Variants in CCDC88A observed in about 807,000 individuals in gnomAD.
CCDC88A encodes coiled-coil and HOOK domain protein 88A.
In CCDC88A, 54 loss-of-function variants were observed where a neutral mutation model predicts 234.3. That is an observed-to-expected ratio of 0.23 (90% confidence interval 0.19 to 0.29). CCDC88A has a LOEUF of 0.29. CCDC88A is among the 10% of genes least tolerant of loss of function. CCDC88A has a pLI of 1.00. For missense variants in CCDC88A, 1,832 were observed against 2,123.4 expected (o/e 0.86, Z 2.70); for synonymous variants, 753 against 737.8 (o/e 1.02, Z -0.33).
In CCDC88A at chr2:55,372,441, T is replaced by C. The variant is rs755728041; in HGVS notation, c.402+11A>G. 4 of 1,381,282 alleles carry C rather than the reference T, an allele frequency of 2.9e-6. No individual in the cohort carries two copies. The Admixed American group carries it at 7.7e-5, about 27-fold the overall frequency. 85.6% of individuals were successfully genotyped at this position (1,381,282 alleles called of 1,614,324 possible). A position where few individuals can be genotyped will look rare whatever the true frequency, so the allele number is the denominator to read the frequency against. On this transcript the variant is annotated intron_variant, in intron 5 of 32. Transcript: ENST00000436346. ...GTTAAAATGAAAATATGAAAAAATA[T>C]TTTAACTTACCTGAACTGCACAACC...
chr2:55,360,853 C>A (rs532461677), intron 7 of CCDC88A, among the ~76,000 whole-genome samples: 2 of 152,068 alleles, frequency 1.3e-5, no homozygotes, highest in African/African-American at 4.8e-5. Flanking sequence ...TTTGGAAGAC[C>A]GAGGAGGGAA....
rs1334085136 is a variant in CCDC88A at position 55,418,886 on chromosome 2, T to A, written c.94A>T (p.Asn32Tyr). ...ACATATTCATCAAGGTTGGTCCCAT[T>A]TCCTGCGGCCAGAGGTCCAAACGTT... ...VKTFGPLAAGNGTNLDEYVAL... is the reference protein window; with the variant it reads ...VKTFGPLAAGYGTNLDEYVAL... Residue 32 changes from asparagine (N) to tyrosine (Y), a missense_variant, in exon 2 of 33, where the codon AAT becomes TAT. Transcript: ENST00000436346. 6.2e-7 allele frequency: 1 copy of A among 1,614,126 alleles called. No individual in the cohort carries two copies.
chr2:55,295,145 G>A lies in CCDC88A; in HGVS notation c.5551+452C>T, dbSNP rs1159856986. Reference sequence around the variant, plus strand: ...CAGCTTCTGTGTCATCAGGATAGAGGCATGCAGAAGTGACAAGATTGTTGC... The same window carrying A: ...CAGCTTCTGTGTCATCAGGATAGAGACATGCAGAAGTGACAAGATTGTTGC... On this transcript the variant is annotated intron_variant, in intron 31 of 32. Coordinates refer to ENST00000436346, the MANE Select transcript of CCDC88A (RefSeq NM_001365480.1). The A allele has an allele frequency of 3.1e-6, 4 of 1,306,392 alleles. No individual in the cohort carries two copies. In the Admixed American group the frequency reaches 9.2e-5, roughly 30 times the overall value. The allele number at this position is 1,306,392 out of a possible 1,614,324, so 80.9% of individuals were successfully genotyped here. A position where few individuals can be genotyped will look rare whatever the true frequency, so the allele number is the denominator to read the frequency against.
At chr2:55,412,561 C>T (rs902766945) in intron 2 of CCDC88A, among the ~76,000 whole-genome samples, 1 of 152,140 alleles carries the variant, frequency 6.6e-6, no homozygotes, top group African/African-American at 2.4e-5. Context: ...GTTGCACTCT[C>T]CTCATAAGAA....
At chr2:55,415,828 C>G (rs1196779382) in intron 2 of CCDC88A, among the ~76,000 whole-genome samples, 1 of 152,116 alleles carries the variant, frequency 6.6e-6, no homozygotes, top group Non-Finnish European at 1.5e-5. Context: ...AACAGTGTGA[C>G]AAAGTAGTAC....
chr2:55,339,332 A>G, intron 13 of CCDC88A, 132 bp downstream of exon 13: 1 of 819,760 alleles, frequency 1.2e-6, no homozygotes, highest in South Asian at 1.9e-5. Flanking sequence ...ATATTTGTGT[A>G]TATTTGAAAA....
At chr2:55,388,753 C>T (rs1458451586) in intron 3 of CCDC88A, 25 bp downstream of exon 3, 4 of 881,668 alleles carry the variant, frequency 4.5e-6, no homozygotes, top group Non-Finnish European at 1.8e-6. Flanking sequence ...TATTAAAACC[C>T]CAGATTTTTA....
At chr2:55,307,240 A>G (rs1681705949) in intron 25 of CCDC88A, among the ~76,000 whole-genome samples, 1 of 152,258 alleles carries the variant, frequency 6.6e-6, no homozygotes, top group Admixed American at 6.5e-5. Context: ...CTGTTTAAGC[A>G]TACTAGTAAT....
chr2:55,374,367 T>G (rs1443477902), intron 4 of CCDC88A, among the ~76,000 whole-genome samples: 3 of 151,698 alleles, frequency 2.0e-5, no homozygotes, highest in Non-Finnish European at 4.4e-5. Flanking sequence ...AAACTGCATC[T>G]CTAAATAAAT....
intron 22 of CCDC88A, chr2:55,314,727 A>G (rs1682774653): frequency 6.6e-6 from 1 of 152,188 alleles, no homozygotes. Flanking sequence ...TTAAGTGTAT[A>G]TAGAGCTCAA....
intron 2 of CCDC88A, among the ~76,000 whole-genome samples, chr2:55,395,617 T>A (rs1677391229): frequency 6.6e-6 from 1 of 152,234 alleles, no homozygotes; most frequent in Non-Finnish European, 1.5e-5. Flanking sequence ...CTAAGCATAG[T>A]GTTTTTTAAA....
intron 25 of CCDC88A, among the ~76,000 whole-genome samples, chr2:55,304,520 A>G (rs986598442): frequency 5.3e-5 from 8 of 152,094 alleles, no homozygotes; most frequent in Non-Finnish European, 8.8e-5. Flanking sequence ...AGGGGAAAAA[A>G]AAGAGTATTT....
intron 2 of CCDC88A, among the ~76,000 whole-genome samples, chr2:55,393,302 T>TTC: frequency 7.4e-6 from 1 of 134,608 alleles, no homozygotes; most frequent in Admixed American, 7.6e-5. Context: ...TTTTTTTTTT[T>TTC]TTTTTTTTTT....
chr2:55,358,501 A>G (rs1028958923), intron 7 of CCDC88A, among the ~76,000 whole-genome samples: 2 of 152,112 alleles, frequency 1.3e-5, no homozygotes, highest in African/African-American at 4.8e-5. Context: ...TTTTATTGAA[A>G]TCTTGCTGAT....
At chr2:55,371,153 A>AT (rs796540780) in intron 5 of CCDC88A, among the ~76,000 whole-genome samples, 3 of 152,318 alleles carry the variant, frequency 2.0e-5, no homozygotes, top group African/African-American at 7.2e-5. Flanking sequence ...AACACAGGGT[A>AT]TTTTTTAAAG....
chr2:55,296,800 T>C (rs1680081506), intron 29 of CCDC88A: 1 of 345,220 alleles, frequency 2.9e-6, no homozygotes, highest in South Asian at 6.7e-5. Flanking sequence ...AAACAGAGCC[T>C]CATACAAAGC....
chr2:55,368,510 A>C (rs3099076), intron 5 of CCDC88A, among the ~76,000 whole-genome samples: 57 of 150,972 alleles, frequency 3.8e-4, no homozygotes, highest in Admixed American at 1.1e-3. Context: ...TTTTTGTATA[A>C]ATAGAGTTTC....
chr2:55,333,960 A>C (rs1685216329), intron 15 of CCDC88A, 134 bp downstream of exon 15: 1 of 404,914 alleles, frequency 2.5e-6, no homozygotes, highest in African/African-American at 2.1e-5. Context: ...AGCTATTTCT[A>C]GTTCTAATTC....
chr2:55,408,434 G>T (rs927403322), intron 2 of CCDC88A, among the ~76,000 whole-genome samples: 3 of 152,050 alleles, frequency 2.0e-5, no homozygotes, highest in African/African-American at 7.3e-5. Flanking sequence ...TAAGAGGTTG[G>T]CACAAGATAC....
Sources: gnomAD v4.1 joint callset for allele counts (sites outside exome capture counted in the v4.1 genomes callset) on GRCh38, gnomAD v4.1.1 for gene constraint, MANE v1.5 for transcripts, NCBI Gene and HGNC (gene_info 2026-07-23, HGNC 2026-07-21) for gene names.